Variants in PANK1 observed in about 807,000 individuals in gnomAD.
PANK1 encodes pantothenate kinase 1.
A neutral mutation model predicts 40.1 loss-of-function variants in PANK1; 18 were observed. The observed-to-expected ratio is 0.45, with a 90% confidence interval of 0.31 to 0.67. PANK1 has a LOEUF of 0.67. Ranked by LOEUF, PANK1 falls within the 30% of genes least tolerant of loss-of-function variation. The pLI, the probability that PANK1 is intolerant of heterozygous loss-of-function variation, is 0.06. For synonymous variants in PANK1, 242 were observed against 237.7 expected (o/e 1.02, Z -0.17); for missense variants, 457 against 599.6 (o/e 0.76, Z 2.48).
rs941127729 is a variant in PANK1 at position 89,644,793 on chromosome 10, G to C, written c.99C>G (p.Asn33Lys). ...GCTGGACTGGCGGCGGATGGAAGCCGTTGTGCAGCAGCCCGTTCACAGCGG... is the reference window on the plus strand; with the variant it reads ...GCTGGACTGGCGGCGGATGGAAGCCCTTGTGCAGCAGCCCGTTCACAGCGG... ...SAAAVNGLLHNGFHPPPVQPP... is the reference protein window; with the variant it reads ...SAAAVNGLLHKGFHPPPVQPP... Residue 33 changes from asparagine (N) to lysine (K), a missense_variant, in exon 1 of 7, where the codon AAC (asparagine) becomes AAG (lysine). Physicochemically the swap from Asn to Lys is moderately conservative, Grantham distance 94. Coordinates refer to ENST00000307534, the MANE Select transcript of PANK1 (RefSeq NM_148977.3). The C allele has an allele frequency of 6.7e-7, 1 of 1,488,804 alleles. No homozygotes were observed. Among genetic ancestry groups the C allele is most frequent in the South Asian group, 1.3e-5 (1 of 75,950 alleles). The allele number at this position is 1,488,804 out of a possible 1,614,324, so 92.2% of individuals were successfully genotyped here.
intron 1 of PANK1, among the ~76,000 whole-genome samples, chr10:89,627,619 A>T (rs1410585847): frequency 6.6e-6 from 1 of 152,234 alleles, no homozygotes; most frequent in African/African-American, 2.4e-5. Flanking sequence ...AAATTCTAGT[A>T]CACAAAAACT....
chr10:89,608,586 A>G (rs1387655307), intron 2 of PANK1, among the ~76,000 whole-genome samples: 1 of 152,176 alleles, frequency 6.6e-6, no homozygotes, highest in Non-Finnish European at 1.5e-5. Flanking sequence ...TACTATTCAA[A>G]TATAACAAGT....
intron 1 of PANK1, among the ~76,000 whole-genome samples, chr10:89,639,477 C>CA (rs1564640060): frequency 1.3e-5 from 2 of 152,188 alleles, no homozygotes; most frequent in African/African-American, 4.8e-5. Flanking sequence ...AGGCATGGTA[C>CA]TATACTTGAT....
intron 1 of PANK1, among the ~76,000 whole-genome samples, chr10:89,617,154 T>C (rs538043107): frequency 3.3e-5 from 5 of 152,342 alleles, no homozygotes; most frequent in African/African-American, 1.2e-4. Flanking sequence ...CATTGAGATT[T>C]GGATGTTGTT....
At chr10:89,605,927 A>G (rs150941782) in intron 2 of PANK1, among the ~76,000 whole-genome samples, 9 of 152,318 alleles carry the variant, frequency 5.9e-5, no homozygotes, top group African/African-American at 2.2e-4. Flanking sequence ...TGGATATTGT[A>G]TTAATAGGCA....
At chr10:89,627,718 A>C (rs1044263756) in intron 1 of PANK1, among the ~76,000 whole-genome samples, 1 of 152,022 alleles carries the variant, frequency 6.6e-6, no homozygotes, top group Non-Finnish European at 1.5e-5. Flanking sequence ...TGACTTAATT[A>C]AAACAATCCT....
At chr10:89,641,271 T>C (rs944434210) in intron 1 of PANK1, among the ~76,000 whole-genome samples, 15 of 152,222 alleles carry the variant, frequency 9.9e-5, no homozygotes, top group African/African-American at 2.9e-4. Flanking sequence ...TTTTTCTAAT[T>C]AGCCCAATTC....
chr10:89,604,207 T>C (rs1844873094), intron 2 of PANK1, among the ~76,000 whole-genome samples: 1 of 152,204 alleles, frequency 6.6e-6, no homozygotes, highest in Non-Finnish European at 1.5e-5. Context: ...TAGGTAATTT[T>C]TTTACTTTTA....
intron 1 of PANK1, among the ~76,000 whole-genome samples, chr10:89,634,160 C>T (rs1347578247): frequency 6.6e-6 from 1 of 152,160 alleles, no homozygotes; most frequent in African/African-American, 2.4e-5. Context: ...TAATAGCTAA[C>T]ATTTATTGAG....
chr10:89,630,434 A>G (rs1460628326), intron 1 of PANK1, among the ~76,000 whole-genome samples: 1 of 152,054 alleles, frequency 6.6e-6, no homozygotes, highest in East Asian at 1.9e-4. Flanking sequence ...CATTTTACAG[A>G]TTACAAAATT....
At position 89,588,790 on chromosome 10, in the gene PANK1, T is replaced by C; in HGVS notation, c.1201-13A>G. On this transcript the variant is annotated splice_polypyrimidine_tract_variant and intron_variant, in intron 5 of 6. Coordinates refer to ENST00000307534, the MANE Select transcript of PANK1 (RefSeq NM_148977.3). ...CTCTGTCTATGTTCTGGAAAAAATATTAAAGAAAACAATTGAATCATGGCA... is the reference window on the plus strand; with the variant it reads ...CTCTGTCTATGTTCTGGAAAAAATACTAAAGAAAACAATTGAATCATGGCA... 2 of 1,561,852 alleles carry C rather than the reference T, an allele frequency of 1.3e-6. No homozygotes were observed. Among genetic ancestry groups the C allele is most frequent in the Non-Finnish European group, 1.7e-6 (2 of 1,155,856 alleles).
chr10:89,644,584 T>C lies in PANK1; in HGVS notation c.292+16A>G. 1 of 1,581,030 alleles carries C rather than the reference T, an allele frequency of 6.3e-7. No homozygotes were observed. The highest frequency in any genetic ancestry group is 8.6e-7 in the Non-Finnish European group (1 of 1,168,872). On this transcript the variant is annotated intron_variant, in intron 1 of 6. Transcript: ENST00000307534. Reference sequence around the variant, plus strand: ...CGTCTGCCTTGCGCCCGCGCTCCCCTCCCAGCGGGACTTACGCGGCCTGTT... The same window carrying C: ...CGTCTGCCTTGCGCCCGCGCTCCCCCCCCAGCGGGACTTACGCGGCCTGTT...
chr10:89,629,694 C>T lies in PANK1; in HGVS notation c.292+14906G>A, dbSNP rs116688956. On this transcript the variant is annotated intron_variant, in intron 1 of 6. Coordinates refer to ENST00000307534, the MANE Select transcript of PANK1 (RefSeq NM_148977.3). Reference sequence around the variant, plus strand: ...CATAAAGGCTGGAAACTGTCCCTTACGGATGATAGCTGCAGCTTCACGAAC... The same window carrying T: ...CATAAAGGCTGGAAACTGTCCCTTATGGATGATAGCTGCAGCTTCACGAAC... Among the ~76,000 whole-genome samples the T allele has an allele frequency of 3.9e-3, 587 of 152,310 alleles. 5 individuals carry two copies. The highest frequency in any genetic ancestry group is 0.013 in the African/African-American group (556 of 41,562).
intron 1 of PANK1, among the ~76,000 whole-genome samples, chr10:89,638,589 G>C (rs1841890241): frequency 6.6e-6 from 1 of 151,966 alleles, no homozygotes; most frequent in African/African-American, 2.4e-5. Context: ...TTATTTTCCT[G>C]TATGCAGTTA....
At chr10:89,597,375 C>A (rs1844641555) in intron 3 of PANK1, among the ~76,000 whole-genome samples, 1 of 152,168 alleles carries the variant, frequency 6.6e-6, no homozygotes, top group Non-Finnish European at 1.5e-5. Flanking sequence ...CTCGTGGTAG[C>A]CCCTGAAAGG....
At chr10:89,637,702 T>A (rs1459514420) in intron 1 of PANK1, among the ~76,000 whole-genome samples, 1 of 152,208 alleles carries the variant, frequency 6.6e-6, no homozygotes, top group Non-Finnish European at 1.5e-5. Context: ...TTTACAAACA[T>A]TGTTCACTTA....
rs904779029 is a variant in PANK1 at position 89,607,332 on chromosome 10, A to G, written c.645+4364T>C. On this transcript the variant is annotated intron_variant, in intron 2 of 6. Transcript: ENST00000307534. The stretch of plus-strand genomic sequence containing the variant: ...AGCCTGTCAATGGAGCAGTCAGAAC[A>G]CACAACATTTATCAATTAAGTTTGC... Among the ~76,000 whole-genome samples, 9 of 152,244 alleles carry G rather than the reference A, an allele frequency of 5.9e-5. No homozygotes were observed. The South Asian group carries it at 1.5e-3, about 25-fold the overall frequency.
In PANK1 at chr10:89,645,088, C is replaced by G. The variant is rs749931646; in HGVS notation, c.-197G>C. The G allele has an allele frequency of 6.7e-7, 1 of 1,498,664 alleles. No homozygotes were observed. The highest frequency in any genetic ancestry group is 1.5e-5 in the African/African-American group (1 of 68,422). The allele number at this position is 1,498,664 out of a possible 1,614,324, so 92.8% of individuals were successfully genotyped here. ...CCCCACCTCCTCTGCGCCCTGCCCC[C>G]CGCGCGCCGGCCCCACGGCGCCGGC... is the stretch of plus-strand genomic sequence containing the variant. On this transcript the variant is annotated 5_prime_UTR_variant, in exon 1 of 7. Transcript: ENST00000307534.
chr10:89,612,135 G>A (rs965950364), intron 1 of PANK1, 87 bp from the exon 2 acceptor site: 18 of 1,044,450 alleles, frequency 1.7e-5, no homozygotes, highest in Non-Finnish European at 2.4e-5. Flanking sequence ...CAAAAGCAGT[G>A]GTATCATATC....
Sources: allele counts gnomAD v4.1 joint callset (sites outside exome capture counted in the v4.1 genomes callset), GRCh38; gene constraint gnomAD v4.1.1; transcripts MANE v1.5; gene names NCBI Gene and HGNC (gene_info 2026-07-23, HGNC 2026-07-21).